TRIO: variants seen among roughly 807,000 people sequenced by gnomAD.
TRIO encodes triple functional domain protein.
Under a neutral mutation model 351.9 loss-of-function variants are expected in TRIO, and 58 were observed. The ratio of observed to expected loss-of-function variants is 0.16; its 90% confidence interval spans 0.13 to 0.21. TRIO has a LOEUF of 0.21. TRIO is among the 10% of genes least tolerant of loss of function. TRIO has a pLI of 1.00. For missense variants in TRIO, 3,201 were observed against 4,027.8 expected, an observed-to-expected ratio of 0.79 and a Z score of 5.56; for synonymous variants, 1,758 against 1,595.7, an observed-to-expected ratio of 1.10 and a Z score of -2.42.
Position 14,488,243 on chromosome 5 carries a change from T to G in TRIO, c.7615T>G (p.Ser2539Ala). The change falls in exon 48 of 57, where the codon TCC becomes GCC. Residue 2539 changes from serine (S) to alanine (A), a missense_variant. Coordinates refer to ENST00000344204, the MANE Select transcript of TRIO (RefSeq NM_007118.4). The part of the protein sequence containing the change: ...CSSASEQSVQ[S>A]TQSNGSESSS... ...CTCGGCCAGCGAGCAGTCCGTGCAG[T>G]CCACCCAGAGCAACGGGGTAAGCGC... 6.3e-7 allele frequency: 1 copy of G among 1,580,260 alleles called. No individual in the cohort carries two copies. The highest frequency in any genetic ancestry group is 1.1e-5 in the South Asian group (1 of 88,450).
intron 1 of TRIO, among the ~76,000 whole-genome samples, chr5:14,220,673 A>G (rs1004613039): frequency 1.7e-4 from 26 of 152,228 alleles, no homozygotes. Flanking sequence ...TGGTCTGGAT[A>G]GAAGATCTAG....
chr5:14,201,516 T>C lies in TRIO; in HGVS notation c.157+57634T>C, dbSNP rs144900077. Reference sequence around the variant, plus strand: ...GTCATATCCTGTGGTTTTAAGAGCATTTGGCAGCATCGATTGTTAACTTTG... The same window carrying C: ...GTCATATCCTGTGGTTTTAAGAGCACTTGGCAGCATCGATTGTTAACTTTG... On this transcript the variant is annotated intron_variant, in intron 1 of 56. Coordinates refer to ENST00000344204, the MANE Select transcript of TRIO (RefSeq NM_007118.4). 1.6e-4 allele frequency among the ~76,000 whole-genome samples: 24 copies of C among 152,308 alleles called. No individual in the cohort carries two copies. In the South Asian group the frequency reaches 4.4e-3, roughly 28 times the overall value.
At chr5:14,476,859 G>A (rs40490) in intron 40 of TRIO, 35 bp from the exon 41 acceptor site, 3 of 1,566,708 alleles carry the variant, frequency 1.9e-6, no homozygotes, top group South Asian at 1.2e-5. Flanking sequence ...AGGCCACACT[G>A]GAAATAGTTC....
intron 8 of TRIO, among the ~76,000 whole-genome samples, chr5:14,311,622 G>A (rs988603844): frequency 2.0e-5 from 3 of 152,152 alleles, no homozygotes; most frequent in African/African-American, 7.2e-5. Context: ...GAATAAGCTG[G>A]GTGGTTACCT....
intron 1 of TRIO, among the ~76,000 whole-genome samples, chr5:14,222,475 C>T (rs1031873837): frequency 4.6e-5 from 7 of 152,116 alleles, no homozygotes; most frequent in Non-Finnish European, 7.4e-5. Context: ...GTTTTGAATC[C>T]TTAGCTCAGA....
At chr5:14,251,383 C>G (rs1581448564) in intron 1 of TRIO, among the ~76,000 whole-genome samples, 1 of 152,204 alleles carries the variant, frequency 6.6e-6, no homozygotes, top group East Asian at 1.9e-4. Flanking sequence ...CTGACAGAGC[C>G]TAACTCCTGT....
chr5:14,321,949 T>A (rs999486471), intron 9 of TRIO, among the ~76,000 whole-genome samples: 2 of 152,228 alleles, frequency 1.3e-5, no homozygotes, highest in Non-Finnish European at 2.9e-5. Flanking sequence ...TTGTTAGGCC[T>A]CCCTAGCCAT....
At chr5:14,295,360 G>A (rs1737259508) in intron 6 of TRIO, among the ~76,000 whole-genome samples, 1 of 152,208 alleles carries the variant, frequency 6.6e-6, no homozygotes, top group South Asian at 2.1e-4. Context: ...CCATATTGAT[G>A]TCCAGGCTGT....
At chr5:14,458,783 C>T (rs778388915) in intron 34 of TRIO, among the ~76,000 whole-genome samples, 1 of 152,332 alleles carries the variant, frequency 6.6e-6, no homozygotes. Context: ...CTTTGTCCTT[C>T]CTGAGGCTAG....
chr5:14,210,381 C>T (rs1791808671), intron 1 of TRIO, among the ~76,000 whole-genome samples: 1 of 152,198 alleles, frequency 6.6e-6, no homozygotes, highest in African/African-American at 2.4e-5. Flanking sequence ...CCAGGCTCCG[C>T]ACCCTCTGCT....
chr5:14,197,018 C>T (rs512599), intron 1 of TRIO, among the ~76,000 whole-genome samples: 14,636 of 152,176 alleles, frequency 0.096, 828 homozygotes, highest in African/African-American at 0.14. Context: ...TGCGTAATTA[C>T]ACTGTTATTC....
chr5:14,267,455 T>C (rs1045423941), intron 1 of TRIO, among the ~76,000 whole-genome samples: 1 of 152,140 alleles, frequency 6.6e-6, no homozygotes, highest in Non-Finnish European at 1.5e-5. Context: ...TGCTGTTCAG[T>C]AAGTTTGAGA....
chr5:14,407,496 C>G (rs539196230), intron 33 of TRIO, among the ~76,000 whole-genome samples: 10 of 152,180 alleles, frequency 6.6e-5, no homozygotes, highest in Admixed American at 5.2e-4. Flanking sequence ...CATAGTGATG[C>G]CAAGGCAATG....
intron 33 of TRIO, 85 bp from the exon 34 acceptor site, chr5:14,419,693 C>T: frequency 3.8e-6 from 6 of 1,559,320 alleles, no homozygotes; most frequent in Non-Finnish European, 5.2e-6. Context: ...GTGGCAGGAA[C>T]CCACCTGGAG....
At chr5:14,279,181 C>G (rs1190556668) in intron 2 of TRIO, among the ~76,000 whole-genome samples, 1 of 152,132 alleles carries the variant, frequency 6.6e-6, no homozygotes, top group Non-Finnish European at 1.5e-5. Context: ...CATGACTGAA[C>G]AGTACATGTG....
chr5:14,299,815 A>C lies in TRIO; in HGVS notation c.1368+2552A>C, dbSNP rs146918497. 9.6e-3 allele frequency among the ~76,000 whole-genome samples: 1,465 copies of C among 152,308 alleles called. 27 individuals are homozygous for C. Among genetic ancestry groups the C allele is most frequent in the African/African-American group, 0.034 (1,394 of 41,570 alleles). ...CTGATTAGGGGGACATAAGGCTCAA[A>C]TATGTGACTCCATGGTTAATGAGCT... On this transcript the variant is annotated intron_variant, in intron 7 of 56. Transcript: ENST00000344204.
chr5:14,443,096 G>C (rs1434864632), intron 34 of TRIO, among the ~76,000 whole-genome samples: 1 of 152,032 alleles, frequency 6.6e-6, no homozygotes, highest in Non-Finnish European at 1.5e-5. Context: ...GCTTTTTAAA[G>C]TACTAGAGGA....
At chr5:14,245,821 G>A (rs1311036924) in intron 1 of TRIO, among the ~76,000 whole-genome samples, 3 of 152,182 alleles carry the variant, frequency 2.0e-5, no homozygotes, top group East Asian at 1.9e-4. Context: ...CACCATTTCC[G>A]GCCAGGAATT....
At chr5:14,432,170 A>G (rs566087841) in intron 34 of TRIO, among the ~76,000 whole-genome samples, 1 of 152,304 alleles carries the variant, frequency 6.6e-6, no homozygotes, top group Admixed American at 6.5e-5. Flanking sequence ...CACCCTCAAG[A>G]TACCCTCATG....
Sources: allele counts gnomAD v4.1 joint callset (sites outside exome capture counted in the v4.1 genomes callset), GRCh38; gene constraint gnomAD v4.1.1; transcripts MANE v1.5; gene names NCBI Gene and HGNC (gene_info 2026-07-23, HGNC 2026-07-21).